SSH2: variants seen among roughly 807,000 people sequenced by gnomAD.
SSH2 encodes the protein protein phosphatase Slingshot homolog 2.
A neutral mutation model predicts 135.2 loss-of-function variants in SSH2; 37 were observed. That is an observed-to-expected ratio of 0.27 (90% CI 0.21 to 0.36). The LOEUF is 0.36. SSH2 is among the 10% of genes least tolerant of loss of function. SSH2 has a pLI of 1.00. For synonymous variants in SSH2, 628 were observed against 646.2 expected (o/e 0.97, Z 0.43); for missense variants, 1,408 against 1,765.3 (o/e 0.80, Z 3.63).
intron 1 of SSH2, among the ~76,000 whole-genome samples, chr17:29,908,800 C>T (rs1004560184): frequency 1.7e-4 from 24 of 141,314 alleles, no homozygotes; most frequent in Non-Finnish European, 3.3e-4. Context: ...AAAAATTGGC[C>T]GGGAGTGGTG....
At chr17:29,786,471 T>C (rs1279342136) in intron 3 of SSH2, among the ~76,000 whole-genome samples, 2 of 152,178 alleles carry the variant, frequency 1.3e-5, no homozygotes, top group South Asian at 2.1e-4. Flanking sequence ...TAAATCCCAT[T>C]ATTCTCACCC....
chr17:29,770,119 T>A (rs1420162673), intron 3 of SSH2, among the ~76,000 whole-genome samples: 2 of 148,912 alleles, frequency 1.3e-5, no homozygotes, highest in Admixed American at 1.3e-4. Context: ...TTTTTTTTTT[T>A]AACAGAGTCT....
At chr17:29,806,213 T>G (rs2042342773) in intron 2 of SSH2, among the ~76,000 whole-genome samples, 1 of 152,194 alleles carries the variant, frequency 6.6e-6, no homozygotes, top group South Asian at 2.1e-4. Context: ...CAACAAAGTC[T>G]CTTCATGATT....
At chr17:29,767,316 A>AC (rs2041469287) in intron 3 of SSH2, among the ~76,000 whole-genome samples, 1 of 151,546 alleles carries the variant, frequency 6.6e-6, no homozygotes, top group African/African-American at 2.4e-5. Flanking sequence ...CATCAAACAC[A>AC]CTTTACAAAA....
At chr17:29,814,130 CA>C (rs1402714927) in intron 2 of SSH2, among the ~76,000 whole-genome samples, 313 of 21,144 alleles carry the variant, frequency 0.015, 2 homozygotes, top group African/African-American at 0.04. Flanking sequence ...GACTTCGTCT[CA>C]AAAAAAAAAA....
At chr17:29,872,549 G>A (rs1033063401) in intron 1 of SSH2, among the ~76,000 whole-genome samples, 4 of 151,890 alleles carry the variant, frequency 2.6e-5, no homozygotes, top group African/African-American at 9.7e-5. Flanking sequence ...CAGGCCAGGA[G>A]TTTTAGACCT....
intron 1 of SSH2, among the ~76,000 whole-genome samples, chr17:29,868,737 CAAA>C (rs10670727): frequency 8.3e-6 from 1 of 120,176 alleles, no homozygotes; most frequent in Admixed American, 8.4e-5. Flanking sequence ...GACTCCACCT[CAAA>C]AAAAAAAAAA....
rs896194923 is a variant in SSH2, at chr17:29,738,699, G to A, written c.189-35637C>T. 7.9e-4 allele frequency among the ~76,000 whole-genome samples: 120 copies of A among 152,014 alleles called. 1 individual carries two copies. The highest frequency in any genetic ancestry group is 2.2e-4 in the Non-Finnish European group (15 of 67,966). Reference sequence around the variant, plus strand: ...CTCCCAAGTAGCTGGGACTACAGGTGCCCGCCACCATGCCCGGCTAATTTT... The same window carrying A: ...CTCCCAAGTAGCTGGGACTACAGGTACCCGCCACCATGCCCGGCTAATTTT... On this transcript the variant is annotated intron_variant, in intron 3 of 15. Coordinates refer to ENST00000540801, the MANE Select transcript of SSH2 (RefSeq NM_001282129.2).
intron 1 of SSH2, among the ~76,000 whole-genome samples, chr17:29,891,538 A>G (rs1446279388): frequency 2.0e-5 from 3 of 152,160 alleles, no homozygotes; most frequent in African/African-American, 7.2e-5. Context: ...AAGCAGCTCA[A>G]GAGCCCTAAA....
chr17:29,809,766 C>A (rs2042409494), intron 2 of SSH2, among the ~76,000 whole-genome samples: 1 of 152,070 alleles, frequency 6.6e-6, no homozygotes. Flanking sequence ...CTTGGTTGAC[C>A]AGGCTGGTTT....
chr17:29,668,736 C>T lies in SSH2; in HGVS notation c.810-1513G>A, dbSNP rs527864985. Among the ~76,000 whole-genome samples, 11 of 151,956 alleles carry T rather than the reference C, an allele frequency of 7.2e-5. No individual in the cohort carries two copies. The South Asian group carries it at 2.1e-3, about 29-fold the overall frequency. Reference sequence around the variant, plus strand: ...TGGGTAACGGAGCAAGACTCTGTCTCAAGGAAAAACAAAAAGGTAAAAACA... The same window carrying T: ...TGGGTAACGGAGCAAGACTCTGTCTTAAGGAAAAACAAAAAGGTAAAAACA... On this transcript the variant is annotated intron_variant, in intron 9 of 15. Transcript: ENST00000540801.
chr17:29,842,473 A>T (rs76515799), intron 2 of SSH2, among the ~76,000 whole-genome samples: 3 of 147,780 alleles, frequency 2.0e-5, no homozygotes, highest in Admixed American at 1.3e-4. Flanking sequence ...AAAAAAAAAG[A>T]TCATCAGGTG....
intron 3 of SSH2, among the ~76,000 whole-genome samples, chr17:29,722,951 C>A (rs1422195742): frequency 6.6e-6 from 1 of 152,198 alleles, no homozygotes; most frequent in African/African-American, 2.4e-5. Context: ...CAAATAATTT[C>A]TTAGATTAAG....
chr17:29,831,575 CTTT>C (rs761921450), intron 2 of SSH2, among the ~76,000 whole-genome samples: 6 of 134,366 alleles, frequency 4.5e-5, no homozygotes, highest in Admixed American at 7.5e-5. Context: ...AACTGTTTAT[CTTT>C]TTTTTTTTTT....
rs375300697 is a variant in SSH2 at position 29,671,984 on chromosome 17, G to T, written c.760C>A (p.Gln254Lys). 1 of 1,614,000 alleles carries T rather than the reference G, an allele frequency of 6.2e-7. No homozygotes were observed. The highest frequency in any genetic ancestry group is 1.3e-5 in the African/African-American group (1 of 74,906). ...QSSVNEWNAM[Q>K]DVQSHRPDSP... ...TCGGGCCGGTGGGACTGTACATCTT[G>T]CATTGCATTCCATTCATTGACTGAG... The change falls in exon 9 of 16, where the codon CAA becomes AAA. Residue 254 changes from glutamine (Q) to lysine (K), a missense_variant. By Grantham distance (53) the Gln-to-Lys change is moderately conservative. This residue lies in a region of SSH2 where 222 missense variants were observed against 355.6 expected (regional missense o/e 0.62). Transcript: ENST00000540801.
intron 3 of SSH2, among the ~76,000 whole-genome samples, chr17:29,755,169 T>C (rs1045356272): frequency 6.6e-6 from 1 of 152,202 alleles, no homozygotes; most frequent in Non-Finnish European, 1.5e-5. Flanking sequence ...AAGTTCAGCT[T>C]TTTGTTTTAC....
At chr17:29,847,504 A>G (rs1449896232) in intron 2 of SSH2, among the ~76,000 whole-genome samples, 4 of 152,188 alleles carry the variant, frequency 2.6e-5, no homozygotes, top group Non-Finnish European at 5.9e-5. Context: ...GTGGTGCTCA[A>G]TAGGAGACAG....
chr17:29,696,999 T>C (rs1297206402), intron 4 of SSH2, among the ~76,000 whole-genome samples: 1 of 152,018 alleles, frequency 6.6e-6, no homozygotes, highest in Admixed American at 6.6e-5. Flanking sequence ...GAGTATATAT[T>C]AAGTATGCCA....
chr17:29,828,424 A>T (rs2042783422), intron 2 of SSH2, among the ~76,000 whole-genome samples: 1 of 152,222 alleles, frequency 6.6e-6, no homozygotes, highest in African/African-American at 2.4e-5. Context: ...GAAAGATGGC[A>T]TGCTTTAACC....
Sources: gnomAD v4.1 joint callset for allele counts (sites outside exome capture counted in the v4.1 genomes callset) on GRCh38, gnomAD v4.1.1 for gene constraint, gnomAD v4.1.1 regional missense constraint, MANE v1.5 for transcripts, NCBI Gene and HGNC (gene_info 2026-07-23, HGNC 2026-07-21) for gene names.